The following GPM6A variants were observed in gnomAD, a reference collection of about 807,000 sequenced individuals.
The protein encoded by GPM6A is glycoprotein M6A, also known as neuronal membrane glycoprotein M6-a.
In GPM6A, 7 loss-of-function variants were observed where a neutral mutation model predicts 32.1. The ratio of observed to expected loss-of-function variants is 0.22; its 90% CI spans 0.12 to 0.41. GPM6A has a LOEUF of 0.41. Ranked by LOEUF, GPM6A falls within the 10% of genes least tolerant of loss-of-function variation. The pLI, the probability that GPM6A is intolerant of heterozygous loss-of-function variation, is 1.00. For synonymous variants in GPM6A, 130 were observed against 123.4 expected (o/e 1.05, Z -0.35); for missense variants, 235 against 347.2 (o/e 0.68, Z 2.57).
In GPM6A at chr4:175,912,407, C is replaced by T. The variant is rs942263329; in HGVS notation, c.-23+89902G>A. ...TGGTGGCTCATACCTGTAATCCCAG[C>T]ACTTTGGGAGGTTGAGGCAGGTGGA... On this transcript the variant is annotated intron_variant, in intron 1 of 7. Transcript: ENST00000280187. 7.2e-4 allele frequency among the ~76,000 whole-genome samples: 110 copies of T among 152,186 alleles called. 1 individual carries two copies. The highest frequency in any genetic ancestry group is 2.4e-3 in the African/African-American group (98 of 41,528).
Position 175,640,214 on chromosome 4 carries a change from G to T in GPM6A, c.619-20C>A, listed in dbSNP as rs761886422. On this transcript the variant is annotated intron_variant, in intron 5 of 6. Coordinates refer to ENST00000393658, the MANE Select transcript of GPM6A (RefSeq NM_201591.3). ...GTTCAGCTGCAATGGAAACCACAGAGAATCAAAAGGTGTCAGAGTTATAGG... is the reference window on the plus strand; with the variant it reads ...GTTCAGCTGCAATGGAAACCACAGATAATCAAAAGGTGTCAGAGTTATAGG... 11 of 1,597,212 alleles carry T rather than the reference G, an allele frequency of 6.9e-6. No homozygotes were observed. Among genetic ancestry groups the T allele is most frequent in the African/African-American group, 1.3e-5 (1 of 74,656 alleles).
chr4:175,883,767 G>A (rs1737356081), intron 1 of GPM6A, among the ~76,000 whole-genome samples: 1 of 152,062 alleles, frequency 6.6e-6, no homozygotes, highest in African/African-American at 2.4e-5. Flanking sequence ...ATCTGTCTCA[G>A]ATAAGCAAAT....
intron 1 of GPM6A, among the ~76,000 whole-genome samples, chr4:175,996,410 A>T (rs984685452): frequency 6.6e-6 from 1 of 152,180 alleles, no homozygotes; most frequent in Admixed American, 6.5e-5. Context: ...AAGCTCCTAA[A>T]CAGTTCACTA....
chr4:175,664,592 T>C (rs909199335), intron 3 of GPM6A, among the ~76,000 whole-genome samples: 1 of 152,234 alleles, frequency 6.6e-6, no homozygotes, highest in African/African-American at 2.4e-5. Flanking sequence ...ATCATGTTCA[T>C]ATACTTCAAG....
chr4:175,693,622 A>G (rs1744416909), intron 2 of GPM6A, among the ~76,000 whole-genome samples: 1 of 152,168 alleles, frequency 6.6e-6, no homozygotes, highest in Admixed American at 6.6e-5. Flanking sequence ...CCAAGAAAGT[A>G]TTTCTCTATA....
At chr4:175,841,866 T>C (rs750525020) in intron 1 of GPM6A, among the ~76,000 whole-genome samples, 5 of 152,158 alleles carry the variant, frequency 3.3e-5, no homozygotes, top group Admixed American at 6.5e-5. Flanking sequence ...TGATCTGACA[T>C]TGCTTACAGA....
chr4:175,796,398 A>G (rs1264401125), intron 1 of GPM6A, among the ~76,000 whole-genome samples: 1 of 152,182 alleles, frequency 6.6e-6, no homozygotes, highest in Admixed American at 6.5e-5. Context: ...AGTGCATTCA[A>G]TGATTTCTAA....
intron 1 of GPM6A, among the ~76,000 whole-genome samples, chr4:175,884,548 T>C (rs1737387980): frequency 6.6e-6 from 1 of 152,166 alleles, no homozygotes; most frequent in Admixed American, 6.5e-5. Flanking sequence ...ATAATTATTA[T>C]TGATATGGAG....
intron 1 of GPM6A, among the ~76,000 whole-genome samples, chr4:175,965,132 G>A (rs773288671): frequency 2.0e-5 from 3 of 152,026 alleles, no homozygotes; most frequent in African/African-American, 4.8e-5. Context: ...TCAATCTCAC[G>A]CAGAACATTC....
chr4:175,837,835 T>A (rs906731216), intron 1 of GPM6A, among the ~76,000 whole-genome samples: 1 of 152,160 alleles, frequency 6.6e-6, no homozygotes, highest in East Asian at 1.9e-4. Flanking sequence ...AGCTTGGAGA[T>A]CGCTATTTTT....
At chr4:175,640,321 C>T in intron 5 of GPM6A, 127 bp from the exon 6 acceptor site, 3 of 719,850 alleles carry the variant, frequency 4.2e-6, no homozygotes, top group Admixed American at 4.6e-5. Flanking sequence ...GATAAATCAC[C>T]CACCTGATTA....
At chr4:175,797,386 G>T (rs1734274859) in intron 1 of GPM6A, among the ~76,000 whole-genome samples, 1 of 152,148 alleles carries the variant, frequency 6.6e-6, no homozygotes, top group Admixed American at 6.5e-5. Flanking sequence ...GTAGGTAGCT[G>T]TTGAGATTGA....
At chr4:175,795,383 G>A (rs993337303) in intron 1 of GPM6A, among the ~76,000 whole-genome samples, 1 of 152,180 alleles carries the variant, frequency 6.6e-6, no homozygotes, top group African/African-American at 2.4e-5. Context: ...AGTAAGGGCT[G>A]CACTTTTTGA....
At chr4:175,943,825 A>G (rs1406516212) in intron 1 of GPM6A, among the ~76,000 whole-genome samples, 1 of 152,184 alleles carries the variant, frequency 6.6e-6, no homozygotes, top group Non-Finnish European at 1.5e-5. Context: ...CATCAGGGAT[A>G]TTGGCCTGAG....
chr4:175,655,794 C>G (rs1742051391), intron 3 of GPM6A, among the ~76,000 whole-genome samples: 1 of 151,974 alleles, frequency 6.6e-6, no homozygotes, highest in Admixed American at 6.6e-5. Context: ...CTCATAGTCA[C>G]TTTTGTAATT....
chr4:175,929,008 G>C (rs887631907), intron 1 of GPM6A, among the ~76,000 whole-genome samples: 1 of 152,184 alleles, frequency 6.6e-6, no homozygotes, highest in Non-Finnish European at 1.5e-5. Flanking sequence ...TTAAGTGACA[G>C]ATGCAAAAGA....
chr4:175,779,611 C>G (rs370940249), intron 1 of GPM6A, among the ~76,000 whole-genome samples: 216 of 152,234 alleles, frequency 1.4e-3, no homozygotes, highest in African/African-American at 5.0e-3. Context: ...AAATTAGGGA[C>G]AGTCTGCTCC....
At chr4:176,002,170 G>A in intron 1 of GPM6A, 4 of 942,024 alleles carry the variant, frequency 4.2e-6, no homozygotes, top group Non-Finnish European at 5.1e-6. Flanking sequence ...AGGGCGGGGG[G>A]CGGGGGACGC....
At chr4:175,671,694 T>C (rs2110978281) in intron 3 of GPM6A, among the ~76,000 whole-genome samples, 1 of 152,222 alleles carries the variant, frequency 6.6e-6, no homozygotes, top group Admixed American at 6.5e-5. Flanking sequence ...ACTGTTTACT[T>C]CTCAGTCGTG....
Sources: allele counts gnomAD v4.1 joint callset (sites outside exome capture counted in the v4.1 genomes callset), GRCh38; gene constraint gnomAD v4.1.1; transcripts MANE v1.5; gene names NCBI Gene and HGNC (gene_info 2026-07-23, HGNC 2026-07-21).